The following SYT9 variants were observed in gnomAD, a reference collection of about 807,000 sequenced individuals.
SYT9 encodes the protein synaptotagmin 9, also known as synaptotagmin-9.
A neutral mutation model predicts 48.4 loss-of-function variants in SYT9; 22 were observed. The observed-to-expected ratio is 0.45, with a 90% CI of 0.32 to 0.65. SYT9 has a LOEUF of 0.65. SYT9 is among the 30% of genes least tolerant of loss of function. The pLI is 0.03. For missense variants in SYT9, 577 were observed against 622.0 expected (o/e 0.93, Z 0.77); for synonymous variants, 265 against 245.0 (o/e 1.08, Z -0.76).
chr11:7,276,183 CA>C (rs1471383109), intron 1 of SYT9, among the ~76,000 whole-genome samples: 1 of 152,166 alleles, frequency 6.6e-6, no homozygotes, highest in East Asian at 1.9e-4. Context: ...CTTTTACCAT[CA>C]CCACATCCTC....
chr11:7,372,035 G>C (rs911644716), intron 3 of SYT9, among the ~76,000 whole-genome samples: 1 of 152,128 alleles, frequency 6.6e-6, no homozygotes, highest in African/African-American at 2.4e-5. Flanking sequence ...CCTAGGAGTA[G>C]AATTCCTTGA....
At chr11:7,247,512 CATATAT>C (rs1480967526), upstream of SYT9, among the ~76,000 whole-genome samples, 16 of 148,072 alleles carry the variant, frequency 1.1e-4, no homozygotes, top group African/African-American at 4.0e-4. Context: ...CACATATATA[CATATAT>C]ACACACATAT....
chr11:7,298,724 T>A (rs1470704238), intron 1 of SYT9, among the ~76,000 whole-genome samples: 1 of 152,168 alleles, frequency 6.6e-6, no homozygotes, highest in Non-Finnish European at 1.5e-5. Context: ...CTGCTGGGTC[T>A]AAGGTGTCAT....
chr11:7,253,516 C>T (rs1454709632), intron 1 of SYT9, among the ~76,000 whole-genome samples: 2 of 152,052 alleles, frequency 1.3e-5, no homozygotes, highest in Non-Finnish European at 2.9e-5. Context: ...TCAAGATGGT[C>T]GTGTGGGGTG....
rs1203487778 is a variant in SYT9 at position 7,401,518 on chromosome 11, G to A, written c.1045-14524G>A. Among the ~76,000 whole-genome samples, 4 of 151,610 alleles carry A rather than the reference G, an allele frequency of 2.6e-5. No homozygotes were observed. In the East Asian group the frequency reaches 7.7e-4, roughly 29 times the overall value. On this transcript the variant is annotated intron_variant, in intron 3 of 6. Transcript: ENST00000318881. Reference sequence around the variant, plus strand: ...GATATTTTTTCCTTAACGATCTGGAGTATTCTTTGTTGGAAGGTTTTTAGC... The same window carrying A: ...GATATTTTTTCCTTAACGATCTGGAATATTCTTTGTTGGAAGGTTTTTAGC...
rs1313021681 is a variant in SYT9, at chr11:7,297,281, A to G, written c.146-5758A>G. On this transcript the variant is annotated intron_variant, in intron 1 of 6. Transcript: ENST00000318881. ...TTTCCATCAGGAAATTGACAAGCATATTTAAAAGTAGAGAGGTTAATATAA... is the reference window on the plus strand; with the variant it reads ...TTTCCATCAGGAAATTGACAAGCATGTTTAAAAGTAGAGAGGTTAATATAA... Among the ~76,000 whole-genome samples, 4 of 152,332 alleles carry G rather than the reference A, an allele frequency of 2.6e-5. No homozygotes were observed. The East Asian group carries it at 5.8e-4, about 22-fold the overall frequency.
intron 1 of SYT9, among the ~76,000 whole-genome samples, chr11:7,294,139 C>T (rs766045293): frequency 1.3e-5 from 2 of 152,178 alleles, no homozygotes; most frequent in African/African-American, 2.4e-5. Context: ...TATAAGGATG[C>T]TTATCCCATT....
intron 3 of SYT9, among the ~76,000 whole-genome samples, chr11:7,326,570 C>G (rs537786105): frequency 2.6e-5 from 4 of 151,676 alleles, no homozygotes; most frequent in Non-Finnish European, 2.9e-5. Flanking sequence ...GAAAAAACTA[C>G]TTTAAAGTTC....
chr11:7,410,351 C>T (rs1847113250), intron 3 of SYT9, among the ~76,000 whole-genome samples: 2 of 152,250 alleles, frequency 1.3e-5, no homozygotes, highest in African/African-American at 2.4e-5. Context: ...GTGTTAGTTC[C>T]ACTTGGTCTA....
intron 1 of SYT9, among the ~76,000 whole-genome samples, chr11:7,297,762 A>G (rs542408937): frequency 6.6e-6 from 1 of 152,302 alleles, no homozygotes; most frequent in Non-Finnish European, 1.5e-5. Flanking sequence ...GTTTTGAAAG[A>G]TGACTTTTTC....
At chr11:7,356,298 A>G (rs1313882118) in intron 3 of SYT9, among the ~76,000 whole-genome samples, 3 of 152,340 alleles carry the variant, frequency 2.0e-5, no homozygotes, top group East Asian at 3.9e-4. Flanking sequence ...TTTAATTTCA[A>G]TACCTTCTTT....
intron 2 of SYT9, among the ~76,000 whole-genome samples, chr11:7,308,532 A>G (rs2220371): frequency 0.55 from 84,121 of 152,116 alleles, 24,925 homozygotes; most frequent in Admixed American, 0.67. Context: ...CCATTCTGCT[A>G]GAGAGGTAGG....
At chr11:7,316,688 T>G (rs1301977871) in intron 3 of SYT9, among the ~76,000 whole-genome samples, 1 of 152,220 alleles carries the variant, frequency 6.6e-6, no homozygotes, top group African/African-American at 2.4e-5. Flanking sequence ...GTGTTCAGCT[T>G]TTCTAGATAA....
At chr11:7,304,158 T>TTA (rs1451459261) in intron 2 of SYT9, among the ~76,000 whole-genome samples, 23 of 152,180 alleles carry the variant, frequency 1.5e-4, no homozygotes, top group Admixed American at 1.5e-3. Context: ...TAGTACTGAT[T>TTA]TGTAGGTGGT....
rs563406105 is a variant in SYT9 at position 7,378,619 on chromosome 11, T to TA, written c.1045-37411dup. 7.1e-3 allele frequency among the ~76,000 whole-genome samples: 998 copies of TA among 141,038 alleles called. 8 individuals are homozygous for TA. Among genetic ancestry groups the TA allele is most frequent in the Admixed American group, 1.0e-2 (141 of 14,104 alleles). The allele number at this position is 141,038 out of a possible 152,430, so 92.5% of individuals were successfully genotyped here. A position where few individuals can be genotyped will look rare whatever the true frequency, so the allele number is the denominator to read the frequency against. On this transcript the variant is annotated intron_variant, in intron 3 of 6. Transcript: ENST00000318881. ...TAGTGCTCCTCTCCAGGGAAACATT[T>TA]AAAAAAAAAAAAGAAAAAAAATCCT...
At chr11:7,344,062 A>G (rs1849758467) in intron 3 of SYT9, among the ~76,000 whole-genome samples, 1 of 152,160 alleles carries the variant, frequency 6.6e-6, no homozygotes, top group South Asian at 2.1e-4. Flanking sequence ...TCAAGATGAG[A>G]TTTGGGTGGG....
chr11:7,382,129 C>T (rs556350663), intron 3 of SYT9, among the ~76,000 whole-genome samples: 96 of 152,318 alleles, frequency 6.3e-4, no homozygotes, highest in African/African-American at 2.2e-3. Flanking sequence ...AGGCTCCCTT[C>T]TATGCTGTGC....
chr11:7,370,917 T>A (rs1308673523), intron 3 of SYT9, among the ~76,000 whole-genome samples: 1 of 152,206 alleles, frequency 6.6e-6, no homozygotes, highest in Non-Finnish European at 1.5e-5. Flanking sequence ...TTTTTAGTTG[T>A]TAGAGAATAG....
At chr11:7,452,901 G>C (rs1202547071) in intron 6 of SYT9, among the ~76,000 whole-genome samples, 1 of 152,056 alleles carries the variant, frequency 6.6e-6, no homozygotes, top group African/African-American at 2.4e-5. Flanking sequence ...TCCTGCCTCA[G>C]CCTCCCGAGT....
Sources: gnomAD v4.1 joint callset for allele counts (sites outside exome capture counted in the v4.1 genomes callset) on GRCh38, gnomAD v4.1.1 for gene constraint, MANE v1.5 for transcripts, NCBI Gene and HGNC (gene_info 2026-07-23, HGNC 2026-07-21) for gene names.